DRICH1: variants seen among roughly 807,000 people sequenced by gnomAD.
DRICH1 encodes aspartate rich 1.
Under a neutral mutation model 39.5 loss-of-function variants are expected in DRICH1, and 38 were observed. The ratio of observed to expected loss-of-function variants is 0.96; its 90% CI spans 0.74 to 1.26. The LOEUF (loss-of-function observed/expected upper bound fraction) is 1.26, where lower values mean the gene tolerates loss of function less well. Among genes scored for constraint, DRICH1 ranks in the 50% most tolerant of loss-of-function variants. The pLI is 0.00. For missense variants in DRICH1, 279 were observed against 270.4 expected, an observed-to-expected ratio of 1.03 and a Z score of -0.22; for synonymous variants, 84 against 99.5, an observed-to-expected ratio of 0.84 and a Z score of 0.93.
At chr22:23,615,446 A>C (rs1429274492) in intron 8 of DRICH1, among the ~76,000 whole-genome samples, 4 of 152,228 alleles carry the variant, frequency 2.6e-5, no homozygotes, top group African/African-American at 7.2e-5. Flanking sequence ...AAGAAACCAA[A>C]AATTTTTATC....
chr22:23,620,575 G>A lies in DRICH1; in HGVS notation c.406+19C>T, dbSNP rs1189820018. 6.2e-7 allele frequency: 1 copy of A among 1,612,270 alleles called. No individual in the cohort carries two copies. Among genetic ancestry groups the A allele is most frequent in the African/African-American group, 1.3e-5 (1 of 74,880 alleles). ...AGCAAGTTTGTTTCTCAGAAAGTGA[G>A]TTAGTTCAAGGTACATACCCTGGAC... On this transcript the variant is annotated intron_variant, in intron 5 of 11. Transcript: ENST00000317749.
At position 23,628,189 on chromosome 22, in the gene DRICH1, C is replaced by T. The variant is rs1602351974; in HGVS notation, c.209-2141G>A. Among the ~76,000 whole-genome samples the T allele has an allele frequency of 3.9e-5, 6 of 152,348 alleles. No individual in the cohort carries two copies. In the Middle Eastern group the frequency reaches 0.017, roughly 432 times the overall value. On this transcript the variant is annotated intron_variant, in intron 1 of 11. Coordinates refer to ENST00000317749, the MANE Select transcript of DRICH1 (RefSeq NM_016449.4). ...ATCCCTCTGCTGAGCTCATGGTGCA[C>T]TGGAACTTGTGTCCCTCCCCACCTC...
At chr22:23,620,660 T>G (rs1927667765) in intron 4 of DRICH1, 45 bp from the exon 5 acceptor site, 1 of 1,602,256 alleles carries the variant, frequency 6.2e-7, no homozygotes, top group Non-Finnish European at 8.6e-7. Flanking sequence ...AGATCAATTC[T>G]GCTGCACCCC....
rs562468581 is a variant in DRICH1, at chr22:23,632,122, T to C, written c.-99A>G. 1 of 1,542,128 alleles carries C rather than the reference T, an allele frequency of 6.5e-7. No individual in the cohort carries two copies. The highest frequency in any genetic ancestry group is 1.4e-5 in the African/African-American group (1 of 73,442). ...ACTACTGAGGGTGGCCCTGCACTTT[T>C]AGAAGCAGCCTGACCCCAGGCAGAT... On this transcript the variant is annotated 5_prime_UTR_variant, in exon 1 of 12. Coordinates refer to ENST00000317749, the MANE Select transcript of DRICH1 (RefSeq NM_016449.4).
At chr22:23,603,540 G>A (rs537551204), downstream of DRICH1, among the ~76,000 whole-genome samples, 37 of 152,214 alleles carry the variant, frequency 2.4e-4, no homozygotes, top group African/African-American at 3.6e-4. Context: ...GGATAAAGGC[G>A]GGCCACAAGG....
At chr22:23,581,764 G>A in the DRICH1 span, among the ~76,000 whole-genome samples, 2 of 151,008 alleles carry the variant, frequency 1.3e-5, no homozygotes, top group Non-Finnish European at 3.0e-5. Context: ...GCACCACCAC[G>A]ACAAGCTAAT....
chr22:23,591,146 C>T, the DRICH1 span, among the ~76,000 whole-genome samples: 1 of 152,270 alleles, frequency 6.6e-6, no homozygotes, highest in African/African-American at 2.4e-5. Flanking sequence ...ATAGGCATCC[C>T]ACAGCTGGAA....
At chr22:23,591,260 C>T in the DRICH1 span, among the ~76,000 whole-genome samples, 956 of 152,256 alleles carry the variant, frequency 6.3e-3, 8 homozygotes, top group African/African-American at 0.021. Context: ...GTCCTCCTCC[C>T]CCAGTTCAGC....
the DRICH1 span, among the ~76,000 whole-genome samples, chr22:23,585,604 A>G: frequency 6.6e-6 from 1 of 151,746 alleles, no homozygotes; most frequent in African/African-American, 2.4e-5. Flanking sequence ...TGCAGTCTCC[A>G]ACTCCTAGGC....
chr22:23,621,189 T>C (rs1569093019), intron 4 of DRICH1, among the ~76,000 whole-genome samples: 1 of 152,072 alleles, frequency 6.6e-6, no homozygotes, highest in Non-Finnish European at 1.5e-5. Context: ...CCTGCTTGGA[T>C]GGGCAATGCC....
intron 6 of DRICH1, among the ~76,000 whole-genome samples, chr22:23,618,989 T>A (rs924770373): frequency 2.6e-5 from 4 of 151,692 alleles, no homozygotes; most frequent in Admixed American, 6.6e-5. Flanking sequence ...CTGGCCAACA[T>A]GGTAAAACCA....
the DRICH1 span, chr22:23,581,142 C>G: frequency 9.8e-5 from 15 of 152,326 alleles, no homozygotes; most frequent in East Asian, 2.9e-3. Flanking sequence ...TTCCAGTATA[C>G]AATACAGTTT....
At chr22:23,615,662 T>C (rs1927312017) in intron 8 of DRICH1, among the ~76,000 whole-genome samples, 1 of 152,230 alleles carries the variant, frequency 6.6e-6, no homozygotes, top group Admixed American at 6.5e-5. Context: ...AACATAATCC[T>C]ACAACTTTAA....
intron 8 of DRICH1, among the ~76,000 whole-genome samples, chr22:23,615,672 A>G (rs1406581349): frequency 6.6e-6 from 1 of 152,360 alleles, no homozygotes; most frequent in East Asian, 1.9e-4. Flanking sequence ...TACAACTTTA[A>G]TGAATTTTAT....
chr22:23,616,039 G>A (rs1927328798), intron 8 of DRICH1, among the ~76,000 whole-genome samples: 1 of 152,210 alleles, frequency 6.6e-6, no homozygotes, highest in South Asian at 2.1e-4. Context: ...TGAGCCCAGA[G>A]TGTATTTTCA....
the DRICH1 span, among the ~76,000 whole-genome samples, chr22:23,594,381 C>A: frequency 6.6e-6 from 1 of 152,158 alleles, no homozygotes; most frequent in Non-Finnish European, 1.5e-5. Flanking sequence ...CCAGCCTGGT[C>A]AACACGGCAA....
intron 4 of DRICH1, among the ~76,000 whole-genome samples, chr22:23,621,785 A>G (rs1451317670): frequency 6.6e-6 from 1 of 152,152 alleles, no homozygotes; most frequent in African/African-American, 2.4e-5. Context: ...ATGAAGACAC[A>G]TGCCTGTAAT....
At chr22:23,589,126 A>ACACACACC in the DRICH1 span, among the ~76,000 whole-genome samples, 2 of 138,744 alleles carry the variant, frequency 1.4e-5, no homozygotes, top group Non-Finnish European at 3.1e-5. Flanking sequence ...ACACACACAC[A>ACACACACC]CCCCTTTGAT....
At chr22:23,632,683 G>GCA (rs1054063741), upstream of DRICH1, 1 of 152,638 alleles carries the variant, frequency 6.6e-6, no homozygotes, top group African/African-American at 2.4e-5. Flanking sequence ...TGAGCGGGGG[G>GCA]GGTGGATCAC....
Sources: gnomAD v4.1 joint callset for allele counts (sites outside exome capture counted in the v4.1 genomes callset) on GRCh38, gnomAD v4.1.1 for gene constraint, MANE v1.5 for transcripts, NCBI Gene and HGNC (gene_info 2026-07-23, HGNC 2026-07-21) for gene names.